The following STXBP5L variants were observed in gnomAD, a reference collection of about 807,000 sequenced individuals.
The protein encoded by STXBP5L is syntaxin-binding protein 5-like.
STXBP5L carries 65 observed loss-of-function variants against 144.5 expected under a neutral mutation model. That is an observed-to-expected ratio of 0.45 (90% CI 0.37 to 0.55). STXBP5L has a LOEUF of 0.55. STXBP5L is among the 20% of genes least tolerant of loss of function. STXBP5L has a pLI of 0.00. For synonymous variants in STXBP5L, 505 were observed against 469.6 expected (o/e 1.08, Z -0.97); for missense variants, 1,298 against 1,405.5 (o/e 0.92, Z 1.22).
At chr3:121,000,783 CTT>C (rs1323291567) in intron 3 of STXBP5L, among the ~76,000 whole-genome samples, 1 of 152,082 alleles carries the variant, frequency 6.6e-6, no homozygotes, top group Non-Finnish European at 1.5e-5. Flanking sequence ...TTGGATGGGG[CTT>C]TTTCTTTTTA....
chr3:120,984,710 A>G (rs1018779413), intron 3 of STXBP5L, among the ~76,000 whole-genome samples: 10 of 142,914 alleles, frequency 7.0e-5, no homozygotes, highest in African/African-American at 2.4e-4. Flanking sequence ...AGAAGTGGTG[A>G]AAGTAGGCAT....
At chr3:121,372,899 C>A (rs747690600) in intron 20 of STXBP5L, among the ~76,000 whole-genome samples, 1 of 152,056 alleles carries the variant, frequency 6.6e-6, no homozygotes, top group Non-Finnish European at 1.5e-5. Context: ...GGAAGTGAGA[C>A]TCTAAGGAAG....
At chr3:121,277,399 G>T (rs2050918596) in intron 18 of STXBP5L, among the ~76,000 whole-genome samples, 1 of 152,020 alleles carries the variant, frequency 6.6e-6, no homozygotes, top group South Asian at 2.1e-4. Flanking sequence ...TCAGAGGATA[G>T]CATTCTCTAT....
At chr3:121,006,920 C>A (rs188568004) in intron 3 of STXBP5L, among the ~76,000 whole-genome samples, 1 of 152,200 alleles carries the variant, frequency 6.6e-6, no homozygotes, top group Non-Finnish European at 1.5e-5. Flanking sequence ...GAGAGATCAC[C>A]TGTTAGTCTG....
intron 20 of STXBP5L, among the ~76,000 whole-genome samples, chr3:121,334,951 C>T (rs535071922): frequency 2.7e-4 from 41 of 152,182 alleles, no homozygotes; most frequent in African/African-American, 9.4e-4. Flanking sequence ...GAAGCCCTGG[C>T]AAAGAGCAAT....
intron 5 of STXBP5L, among the ~76,000 whole-genome samples, chr3:121,054,368 G>T (rs1446334476): frequency 5.9e-5 from 9 of 152,140 alleles, no homozygotes; most frequent in African/African-American, 9.6e-5. Context: ...TAGACTGGAT[G>T]AAGAAAATGT....
intron 22 of STXBP5L, among the ~76,000 whole-genome samples, chr3:121,386,582 G>A (rs2046430837): frequency 6.6e-6 from 1 of 151,938 alleles, no homozygotes; most frequent in East Asian, 1.9e-4. Flanking sequence ...GTCCCAGTGT[G>A]TGATGTTCCC....
At chr3:121,036,269 G>T (rs977501183) in intron 3 of STXBP5L, among the ~76,000 whole-genome samples, 11 of 152,088 alleles carry the variant, frequency 7.2e-5, no homozygotes, top group Admixed American at 2.0e-4. Flanking sequence ...GGAGGCAGAG[G>T]TTGCAGTGAG....
At chr3:121,354,508 C>CCTTT (rs2045426929) in intron 20 of STXBP5L, among the ~76,000 whole-genome samples, 1 of 67,542 alleles carries the variant, frequency 1.5e-5, no homozygotes, top group Non-Finnish European at 2.7e-5. Flanking sequence ...TGCAACCCTG[C>CCTTT]TTTTTTTTTT....
chr3:121,052,851 T>C (rs567880676), intron 5 of STXBP5L, among the ~76,000 whole-genome samples: 24 of 152,154 alleles, frequency 1.6e-4, no homozygotes, highest in South Asian at 6.2e-4. Context: ...AAAACCCCAT[T>C]GTCTCAGCCC....
chr3:121,334,066 C>G (rs541394742), intron 20 of STXBP5L, among the ~76,000 whole-genome samples: 100 of 152,138 alleles, frequency 6.6e-4, no homozygotes, highest in African/African-American at 2.4e-3. Context: ...AGGAGAAACC[C>G]CTTTTGCTTG....
intron 9 of STXBP5L, among the ~76,000 whole-genome samples, chr3:121,182,936 A>G (rs934906081): frequency 1.3e-5 from 2 of 152,232 alleles, no homozygotes; most frequent in Non-Finnish European, 2.9e-5. Flanking sequence ...ACCGAATTTA[A>G]CAGCATATCA....
At chr3:121,010,853 A>G (rs1176145861) in intron 3 of STXBP5L, among the ~76,000 whole-genome samples, 1 of 151,642 alleles carries the variant, frequency 6.6e-6, no homozygotes, top group Non-Finnish European at 1.5e-5. Context: ...CTTTACTTTG[A>G]GTAGGTTGAG....
At chr3:120,997,070 G>GACA (rs1943407620) in intron 3 of STXBP5L, among the ~76,000 whole-genome samples, 1 of 152,164 alleles carries the variant, frequency 6.6e-6, no homozygotes, top group South Asian at 2.1e-4. Flanking sequence ...TTCCTGTGTT[G>GACA]ACATGCTTAG....
chr3:121,206,826 A>C lies in STXBP5L; in HGVS notation c.956+825A>C, dbSNP rs895457731. Among the ~76,000 whole-genome samples the C allele has an allele frequency of 9.8e-5, 15 of 152,310 alleles. No homozygotes were observed. In the South Asian group the frequency reaches 2.7e-3, roughly 27 times the overall value. On this transcript the variant is annotated intron_variant, in intron 10 of 26. Transcript: ENST00000471454. The stretch of plus-strand genomic sequence containing the variant: ...GAGACTCTGTCTCAAAAAGAAAAAA[A>C]AGTAGCCATATCCTATAAATCAACA...
At chr3:121,008,509 C>T (rs1031357728) in intron 3 of STXBP5L, among the ~76,000 whole-genome samples, 14 of 151,912 alleles carry the variant, frequency 9.2e-5, no homozygotes, top group Non-Finnish European at 1.5e-4. Context: ...GTTCTCAAAC[C>T]TATATATTAC....
chr3:121,072,564 G>A (rs1046384584), intron 5 of STXBP5L, among the ~76,000 whole-genome samples: 23 of 152,296 alleles, frequency 1.5e-4, no homozygotes, highest in Non-Finnish European at 2.1e-4. Flanking sequence ...ATCCTTTCTG[G>A]TAACTTCCAC....
chr3:121,338,899 T>C (rs562699447), intron 20 of STXBP5L, among the ~76,000 whole-genome samples: 1 of 152,170 alleles, frequency 6.6e-6, no homozygotes, highest in South Asian at 2.1e-4. Flanking sequence ...ATTGAATCAG[T>C]AATTTAACAA....
At position 121,407,314 on chromosome 3, in the gene STXBP5L, C is replaced by A; in HGVS notation, c.2659C>A (p.Pro887Thr). The change falls in exon 23 of 27, where the codon CCG becomes ACG. Residue 887 changes from proline (P) to threonine (T), a missense_variant. Physicochemically the swap from Pro to Thr is conservative, Grantham distance 38. Transcript: ENST00000471454. ...CMDRMGGLMQ[P>T]PYEVWRDPNN... is the part of the protein sequence containing the mutation. Reference sequence around the variant, plus strand: ...GGACCGAATGGGTGGATTAATGCAACCGCCATATGAAGTTTGGAGGGATCC... The same window carrying A: ...GGACCGAATGGGTGGATTAATGCAAACGCCATATGAAGTTTGGAGGGATCC... 6.2e-7 allele frequency: 1 copy of A among 1,611,914 alleles called. No individual in the cohort carries two copies. Among genetic ancestry groups the A allele is most frequent in the Non-Finnish European group, 8.5e-7 (1 of 1,178,916 alleles).
Sources: gnomAD v4.1 joint callset for allele counts (sites outside exome capture counted in the v4.1 genomes callset) on GRCh38, gnomAD v4.1.1 for gene constraint, MANE v1.5 for transcripts, NCBI Gene and HGNC (gene_info 2026-07-23, HGNC 2026-07-21) for gene names.